DHRSX: variants seen among roughly 807,000 people sequenced by gnomAD.
The protein encoded by DHRSX is dehydrogenase/reductase X-linked.
Under a neutral mutation model 34.0 loss-of-function variants are expected in DHRSX, and 31 were observed. The observed-to-expected ratio is 0.91, with a 90% CI of 0.69 to 1.23. DHRSX has a LOEUF of 1.23. DHRSX is among the 50% of genes most tolerant of loss of function. The pLI is 0.00. For synonymous variants in DHRSX, 201 were observed against 183.8 expected (o/e 1.09, Z -0.76); for missense variants, 414 against 428.1 (o/e 0.97, Z 0.29).
chrX:2,228,527 G>A (rs2015789548), intron 6 of DHRSX, among the ~76,000 whole-genome samples: 1 of 142,104 alleles, frequency 7.0e-6, no homozygotes, highest in Non-Finnish European at 1.5e-5. Flanking sequence ...GCAAAAGGAA[G>A]GACTGGAGGA....
chrX:2,226,038 C>A (rs2015652174), intron 6 of DHRSX, among the ~76,000 whole-genome samples: 1 of 152,096 alleles, frequency 6.6e-6, no homozygotes, highest in South Asian at 2.1e-4. Context: ...CCGCCCAGCC[C>A]ACACCTTCAT....
chrX:2,368,394 G>A lies in DHRSX; in HGVS notation c.286+40351C>T, dbSNP rs183664886. On this transcript the variant is annotated intron_variant, in intron 3 of 6. Coordinates refer to ENST00000334651, the MANE Select transcript of DHRSX (RefSeq NM_145177.3). ...CATTACGATTTGATACAACTGGATGGTGGGTACACAAATGCTGTTCAAATT... is the reference window on the plus strand; with the variant it reads ...CATTACGATTTGATACAACTGGATGATGGGTACACAAATGCTGTTCAAATT... Among the ~76,000 whole-genome samples the A allele has an allele frequency of 3.3e-5, 5 of 152,132 alleles. No homozygotes were observed. The East Asian group carries it at 9.7e-4, about 29-fold the overall frequency.
intron 1 of DHRSX, among the ~76,000 whole-genome samples, chrX:2,486,044 A>C (rs1056905111): frequency 8.7e-5 from 13 of 149,340 alleles, no homozygotes; most frequent in Non-Finnish European, 1.3e-4. Flanking sequence ...GGTGATAAGG[A>C]GGCTGGGGGG....
chrX:2,275,459 A>G (rs1024229228), intron 4 of DHRSX, among the ~76,000 whole-genome samples: 1 of 151,612 alleles, frequency 6.6e-6, no homozygotes, highest in Non-Finnish European at 1.5e-5. Context: ...CAGTGAGCTG[A>G]TATCGTGCAC....
intron 1 of DHRSX, among the ~76,000 whole-genome samples, chrX:2,494,341 A>G (rs1189021457): frequency 1.3e-5 from 2 of 151,854 alleles, no homozygotes; most frequent in East Asian, 3.9e-4. Context: ...CATTATTATT[A>G]TTATTAGGCT....
chrX:2,316,322 G>A (rs1470730743), intron 3 of DHRSX, among the ~76,000 whole-genome samples: 3 of 152,102 alleles, frequency 2.0e-5, no homozygotes, highest in Non-Finnish European at 4.4e-5. Context: ...AGGCTGAGGT[G>A]GGGAAGATCA....
intron 1 of DHRSX, chrX:2,489,621 G>T (rs778372636): frequency 6.2e-7 from 1 of 1,612,570 alleles, no homozygotes; most frequent in Non-Finnish European, 8.5e-7. Flanking sequence ...ACGAACTGCT[G>T]CTCCTTGAGG....
intron 6 of DHRSX, among the ~76,000 whole-genome samples, chrX:2,229,755 G>T (rs1470977381): frequency 6.6e-6 from 1 of 152,132 alleles, no homozygotes; most frequent in Non-Finnish European, 1.5e-5. Flanking sequence ...ATATGTGCAT[G>T]CATGTGTGTG....
chrX:2,295,857 A>T (rs182683520), intron 3 of DHRSX, among the ~76,000 whole-genome samples: 1 of 152,188 alleles, frequency 6.6e-6, no homozygotes, highest in Admixed American at 6.5e-5. Flanking sequence ...CGAAGCACAA[A>T]GCTGGGGCGC....
chrX:2,395,364 G>T (rs189589237), intron 3 of DHRSX, among the ~76,000 whole-genome samples: 1 of 152,078 alleles, frequency 6.6e-6, no homozygotes, highest in Non-Finnish European at 1.5e-5. Flanking sequence ...GCCGAGCTAC[G>T]TAAGTCCCTG....
chrX:2,491,747 T>C (rs2045152048), intron 1 of DHRSX, among the ~76,000 whole-genome samples: 1 of 152,216 alleles, frequency 6.6e-6, no homozygotes, highest in South Asian at 2.1e-4. Flanking sequence ...CTGGAACTTC[T>C]CAAAATGCCC....
chrX:2,461,820 C>G (rs933110165), intron 1 of DHRSX, among the ~76,000 whole-genome samples: 2 of 152,186 alleles, frequency 1.3e-5, no homozygotes, highest in Non-Finnish European at 2.9e-5. Context: ...CCACCTCTGC[C>G]TCCTCAGTAG....
intron 2 of DHRSX, among the ~76,000 whole-genome samples, chrX:2,409,443 A>C (rs1190336488): frequency 1.3e-5 from 2 of 152,108 alleles, no homozygotes; most frequent in South Asian, 2.1e-4. Flanking sequence ...ACCCCTCGAC[A>C]GGCCCTGGTG....
chrX:2,360,429 A>C (rs185070215), intron 3 of DHRSX, among the ~76,000 whole-genome samples: 33 of 152,230 alleles, frequency 2.2e-4, no homozygotes, highest in Admixed American at 1.2e-3. Flanking sequence ...CTAAAAATAC[A>C]AAAATGAGCC....
intron 3 of DHRSX, among the ~76,000 whole-genome samples, chrX:2,380,055 G>A (rs890915282): frequency 5.9e-5 from 9 of 152,028 alleles, no homozygotes; most frequent in African/African-American, 9.7e-5. Flanking sequence ...CCAGCACTTC[G>A]GGAGGCCGAG....
At chrX:2,430,958 G>A (rs2043911388) in intron 1 of DHRSX, among the ~76,000 whole-genome samples, 1 of 152,096 alleles carries the variant, frequency 6.6e-6, no homozygotes. Flanking sequence ...CTGGGAGGTT[G>A]AGGCTGTAGT....
At chrX:2,348,016 G>A (rs1480021634) in intron 3 of DHRSX, among the ~76,000 whole-genome samples, 8 of 152,116 alleles carry the variant, frequency 5.3e-5, no homozygotes, top group Non-Finnish European at 1.2e-4. Flanking sequence ...CAGTGCCAAC[G>A]GCTGGAAATT....
At chrX:2,234,697 TTTTTA>T (rs1212794706) in intron 6 of DHRSX, among the ~76,000 whole-genome samples, 6 of 152,320 alleles carry the variant, frequency 3.9e-5, no homozygotes, top group South Asian at 4.1e-4. Context: ...ACGTTTCCAC[TTTTTA>T]TTTTATTATT....
intron 3 of DHRSX, chrX:2,334,190 G>GTTTTTTTTTT (rs1370125078): frequency 6.1e-5 from 1 of 16,418 alleles, no homozygotes. Context: ...TTGAGACACA[G>GTTTTTTTTTT]TCTTACTCTG....
Sources: allele counts gnomAD v4.1 joint callset (sites outside exome capture counted in the v4.1 genomes callset), GRCh38; gene constraint gnomAD v4.1.1; transcripts MANE v1.5; gene names NCBI Gene and HGNC (gene_info 2026-07-23, HGNC 2026-07-21).